SPTBN1: variants seen among roughly 807,000 people sequenced by gnomAD.
SPTBN1 encodes spectrin beta, non-erythrocytic 1, also known as spectrin beta chain, non-erythrocytic 1.
A neutral mutation model predicts 266.4 loss-of-function variants in SPTBN1; 32 were observed. That is an observed-to-expected ratio of 0.12 (90% CI 0.09 to 0.16). SPTBN1 has a LOEUF of 0.16. Among genes scored for constraint, SPTBN1 ranks in the 10% least tolerant of loss-of-function variants. The probability of loss-of-function intolerance (pLI) is 1.00; values close to 1 mark genes in which losing one functional copy is unlikely to be tolerated. For synonymous variants in SPTBN1, 1,336 were observed against 1,162.2 expected, an observed-to-expected ratio of 1.15 and a Z score of -3.04; for missense variants, 2,296 against 3,067.1, an observed-to-expected ratio of 0.75 and a Z score of 5.94.
intron 1 of SPTBN1, among the ~76,000 whole-genome samples, chr2:54,495,043 G>T (rs1307303939): frequency 6.6e-6 from 1 of 152,070 alleles, no homozygotes; most frequent in African/African-American, 2.4e-5. Context: ...CAGGTGTAGT[G>T]CAGTGTGTGG....
rs780305943 is a variant in SPTBN1, at chr2:54,653,559, G to C, written c.5578-50G>C. On this transcript the variant is annotated intron_variant, in intron 26 of 35. Coordinates refer to ENST00000356805, the MANE Select transcript of SPTBN1 (RefSeq NM_003128.3). The surrounding 1 kb of genome is among the most constrained non-coding windows in gnomAD (Gnocchi z 5.1). ...ACAGAATAGGGCTTGGGGTGATGGT[G>C]GGAAGGCCGCCATGGGCTGACCTGG... 1.9e-6 allele frequency: 3 copies of C among 1,595,144 alleles called. No homozygotes were observed. The Admixed American group carries it at 5.5e-5, about 29-fold the overall frequency.
chr2:54,574,890 A>G (rs1443455858), intron 2 of SPTBN1, among the ~76,000 whole-genome samples: 1 of 152,168 alleles, frequency 6.6e-6, no homozygotes, highest in East Asian at 1.9e-4. Context: ...TCATGAACAT[A>G]TTATTTATCC....
At chr2:54,481,423 TGTGTGTGTGTGTGTG>T (rs534363941) in intron 1 of SPTBN1, among the ~76,000 whole-genome samples, 1 of 135,318 alleles carries the variant, frequency 7.4e-6, no homozygotes, top group Non-Finnish European at 1.5e-5. Context: ...TGTGTGTGTG[TGTGTGTGTGTGTGTG>T]TGTTTTGTTT....
intron 2 of SPTBN1, among the ~76,000 whole-genome samples, chr2:54,597,366 G>T (rs903803349): frequency 2.0e-5 from 3 of 152,150 alleles, no homozygotes; most frequent in African/African-American, 7.2e-5. Flanking sequence ...CTTTTCTGTG[G>T]GACCTGTCAT....
At chr2:54,608,396 C>T (rs536974777) in intron 3 of SPTBN1, among the ~76,000 whole-genome samples, 25 of 152,136 alleles carry the variant, frequency 1.6e-4, no homozygotes, top group Admixed American at 4.6e-4. Flanking sequence ...GGAATGTCTC[C>T]GGGAAGGAAA....
rs17046052 is a variant in SPTBN1 at position 54,633,041 on chromosome 2, G to A, written c.3767+273G>A. ...TCTTAACCGAGGACCTGTAAGAGCC[G>A]TAGTGCTGCATCGCGATCAGGTGTA... is the stretch of plus-strand genomic sequence containing the variant. On this transcript the variant is annotated intron_variant, in intron 17 of 35. Coordinates refer to ENST00000356805, the MANE Select transcript of SPTBN1 (RefSeq NM_003128.3). Among the ~76,000 whole-genome samples, 529 of 152,290 alleles carry A rather than the reference G, an allele frequency of 3.5e-3. 6 individuals carry two copies. Among genetic ancestry groups the A allele is most frequent in the African/African-American group, 0.012 (496 of 41,554 alleles).
intron 2 of SPTBN1, among the ~76,000 whole-genome samples, chr2:54,547,342 A>G (rs1362887126): frequency 6.6e-6 from 1 of 152,168 alleles, no homozygotes; most frequent in Non-Finnish European, 1.5e-5. Context: ...TATATGCCAC[A>G]TTTTGTTTAT....
rs544677549 is a variant in SPTBN1, at chr2:54,545,402, T to C, written c.148+18836T>C. 5 of 152,276 alleles carry C rather than the reference T, an allele frequency of 3.3e-5. No individual in the cohort carries two copies. In the South Asian group the frequency reaches 1.0e-3, roughly 32 times the overall value. 9.4% of individuals were successfully genotyped at this position (152,276 alleles called of 1,614,324 possible). On this transcript the variant is annotated intron_variant, in intron 2 of 35. Coordinates refer to ENST00000356805, the MANE Select transcript of SPTBN1 (RefSeq NM_003128.3). ...CCATTTGACCCAGCAATCCCATTAC[T>C]GGGTATATATAAAACGGAGTAAACT... is the stretch of plus-strand genomic sequence containing the variant.
At position 54,668,787 on chromosome 2, in the gene SPTBN1, G is replaced by C; in HGVS notation, c.*218G>C. The C allele has an allele frequency of 2.1e-6, 1 of 485,624 alleles. No individual in the cohort carries two copies. The highest frequency in any genetic ancestry group is 3.7e-6 in the Non-Finnish European group (1 of 270,374). 30.1% of individuals were successfully genotyped at this position (485,624 alleles called of 1,614,324 possible). A position where few individuals can be genotyped will look rare whatever the true frequency, so the allele number is the denominator to read the frequency against. The stretch of plus-strand genomic sequence containing the variant: ...AGTTTGAGGTGCAGAGGGAAGGCCA[G>C]ATTTTTTTTTTAATGAAATTATATA... On this transcript the variant is annotated 3_prime_UTR_variant, in exon 36 of 36. Coordinates refer to ENST00000356805, the MANE Select transcript of SPTBN1 (RefSeq NM_003128.3).
intron 2 of SPTBN1, among the ~76,000 whole-genome samples, chr2:54,543,065 G>C (rs558730367): frequency 6.6e-6 from 1 of 152,284 alleles, no homozygotes; most frequent in African/African-American, 2.4e-5. Flanking sequence ...TGGAGCACCT[G>C]AATGTTCCTG....
intron 18 of SPTBN1, among the ~76,000 whole-genome samples, chr2:54,639,824 T>G (rs1247678716): frequency 3.3e-5 from 5 of 152,200 alleles, no homozygotes; most frequent in Admixed American, 3.3e-4. Flanking sequence ...TTCTGTGACT[T>G]CTCCTCAAAG....
At chr2:54,480,340 G>C (rs1422839621) in intron 1 of SPTBN1, among the ~76,000 whole-genome samples, 1 of 152,172 alleles carries the variant, frequency 6.6e-6, no homozygotes, top group Non-Finnish European at 1.5e-5. Flanking sequence ...TGATATGCAG[G>C]GTTGCCAGAT....
At chr2:54,467,895 A>G (rs1267807163) in intron 1 of SPTBN1, among the ~76,000 whole-genome samples, 1 of 152,158 alleles carries the variant, frequency 6.6e-6, no homozygotes, top group African/African-American at 2.4e-5. Flanking sequence ...TATTTTTAAG[A>G]TATCTTTTTA....
intron 10 of SPTBN1, among the ~76,000 whole-genome samples, chr2:54,624,451 G>GA (rs1678193928): frequency 6.6e-6 from 1 of 152,168 alleles, no homozygotes; most frequent in African/African-American, 2.4e-5. Flanking sequence ...TGAATTCTTA[G>GA]AAGAATCATT....
chr2:54,581,497 G>C (rs745618173), intron 2 of SPTBN1, among the ~76,000 whole-genome samples: 17 of 151,236 alleles, frequency 1.1e-4, no homozygotes, highest in Non-Finnish European at 2.2e-4. Flanking sequence ...CCTCTGGGCT[G>C]CTTTGCTCAC....
rs1679948642 is a variant in SPTBN1, at chr2:54,646,709, T to C, written c.4866+234T>C. On this transcript the variant is annotated intron_variant, in intron 23 of 35. Coordinates refer to ENST00000356805, the MANE Select transcript of SPTBN1 (RefSeq NM_003128.3). This position sits in a 1 kb window ranked among gnomAD's most constrained non-coding sequence, Gnocchi z 4.4. The stretch of plus-strand genomic sequence containing the variant: ...AAGAACAGGTTCATCCTTTCATCTT[T>C]GAAATATGCCAGAGTCCTTCCTGCT... Among the ~76,000 whole-genome samples the C allele has an allele frequency of 6.6e-6, 1 of 152,250 alleles. No homozygotes were observed. Among genetic ancestry groups the C allele is most frequent in the Admixed American group, 6.5e-5 (1 of 15,288 alleles).
Position 54,559,657 on chromosome 2 carries a change from A to G in SPTBN1, c.148+33091A>G, listed in dbSNP as rs541568673. ...ACCCCTCAGCTGTCCCTGCCCAGCC[A>G]GCAGGCCCTGGCCAGCAGTGTCTCA... On this transcript the variant is annotated intron_variant, in intron 2 of 35. Transcript: ENST00000356805. 1.5e-4 allele frequency among the ~76,000 whole-genome samples: 23 copies of G among 152,292 alleles called. 1 individual carries two copies. In the East Asian group the frequency reaches 4.4e-3, roughly 29 times the overall value.
chr2:54,606,793 T>A lies in SPTBN1; in HGVS notation c.301-5368T>A, dbSNP rs141247187. Among the ~76,000 whole-genome samples the A allele has an allele frequency of 7.7e-4, 118 of 152,308 alleles. 1 individual carries two copies. The highest frequency in any genetic ancestry group is 2.8e-3 in the African/African-American group (117 of 41,582). On this transcript the variant is annotated intron_variant, in intron 3 of 35. Transcript: ENST00000356805. ...CGGCACCGATTACACAGGCATCCCTTTCTCGGATAGGAGCGTAATGGTGTC... is the reference window on the plus strand; with the variant it reads ...CGGCACCGATTACACAGGCATCCCTATCTCGGATAGGAGCGTAATGGTGTC...
chr2:54,528,688 A>G (rs1357110597), intron 2 of SPTBN1: 1 of 128,816 alleles, frequency 7.8e-6, no homozygotes, highest in Non-Finnish European at 1.6e-5. Context: ...CTTTTTCAGT[A>G]TTCAGTAAAG....
Sources: allele counts gnomAD v4.1 joint callset (sites outside exome capture counted in the v4.1 genomes callset), GRCh38; gene constraint gnomAD v4.1.1; non-coding constraint Gnocchi (gnomAD v3.1); transcripts MANE v1.5; gene names NCBI Gene and HGNC (gene_info 2026-07-23, HGNC 2026-07-21).